NPAS3: variants seen among roughly 807,000 people sequenced by gnomAD.
NPAS3 encodes neuronal PAS domain-containing protein 3.
NPAS3 carries 14 observed loss-of-function variants against 73.1 expected under a neutral mutation model. The ratio of observed to expected loss-of-function variants is 0.19; its 90% CI spans 0.13 to 0.30. NPAS3 has a LOEUF of 0.30. Ranked by LOEUF, NPAS3 falls within the 10% of genes least tolerant of loss-of-function variation. The pLI is 1.00. For missense variants in NPAS3, 1,096 were observed against 1,250.0 expected (o/e 0.88, Z 1.86); for synonymous variants, 620 against 541.5 (o/e 1.14, Z -2.01).
chr14:33,624,600 G>A (rs1205006161), intron 5 of NPAS3, among the ~76,000 whole-genome samples: 3 of 150,082 alleles, frequency 2.0e-5, no homozygotes, highest in African/African-American at 4.9e-5. Flanking sequence ...ATTAATTAAA[G>A]CAGAATATTA....
At chr14:33,343,852 C>G (rs1250142890) in intron 3 of NPAS3, among the ~76,000 whole-genome samples, 1 of 146,996 alleles carries the variant, frequency 6.8e-6, no homozygotes, top group Non-Finnish European at 1.5e-5. Context: ...CAGCCAGGAC[C>G]TAGGTCTGCT....
At chr14:32,961,547 G>T (rs1436710348) in intron 1 of NPAS3, among the ~76,000 whole-genome samples, 1 of 152,086 alleles carries the variant, frequency 6.6e-6, no homozygotes, top group Non-Finnish European at 1.5e-5. Flanking sequence ...AATTGAGGAT[G>T]CCTCTTCATC....
chr14:33,628,013 G>T (rs1165569966), intron 5 of NPAS3, among the ~76,000 whole-genome samples: 1 of 152,210 alleles, frequency 6.6e-6, no homozygotes, highest in East Asian at 1.9e-4. Flanking sequence ...GTTATGAGTG[G>T]TTTTAAAGTT....
chr14:32,954,983 A>G (rs2036617575), intron 1 of NPAS3, among the ~76,000 whole-genome samples: 1 of 152,126 alleles, frequency 6.6e-6, no homozygotes, highest in Admixed American at 6.6e-5. Flanking sequence ...TTGTGAATAG[A>G]CATGCATTTT....
chr14:33,430,244 C>T (rs1449335837), intron 4 of NPAS3, among the ~76,000 whole-genome samples: 1 of 152,108 alleles, frequency 6.6e-6, no homozygotes, highest in African/African-American at 2.4e-5. Flanking sequence ...CTTCCCCTTC[C>T]CCTCCCCCAT....
chr14:33,489,576 T>A (rs972398931), intron 4 of NPAS3, among the ~76,000 whole-genome samples: 2 of 151,402 alleles, frequency 1.3e-5, no homozygotes, highest in African/African-American at 4.9e-5. Flanking sequence ...TAAACTTGTA[T>A]TGTAATATTT....
At chr14:33,549,352 C>G (rs1235086781) in intron 4 of NPAS3, among the ~76,000 whole-genome samples, 1 of 152,172 alleles carries the variant, frequency 6.6e-6, no homozygotes, top group Non-Finnish European at 1.5e-5. Context: ...CCACCCGAGT[C>G]TCCTGAGTAG....
At chr14:33,225,650 C>T (rs945492801) in intron 3 of NPAS3, among the ~76,000 whole-genome samples, 2 of 152,028 alleles carry the variant, frequency 1.3e-5, no homozygotes, top group Admixed American at 6.6e-5. Flanking sequence ...TATGACATGT[C>T]ATGAAATATT....
At chr14:33,107,738 G>C (rs1278585011) in intron 2 of NPAS3, among the ~76,000 whole-genome samples, 1 of 152,062 alleles carries the variant, frequency 6.6e-6, no homozygotes, top group Non-Finnish European at 1.5e-5. Flanking sequence ...AATGATAGAA[G>C]TTTAAAAGGA....
intron 5 of NPAS3, among the ~76,000 whole-genome samples, chr14:33,651,731 A>G (rs537128451): frequency 1.3e-5 from 2 of 152,246 alleles, no homozygotes; most frequent in African/African-American, 4.8e-5. Context: ...AAAAAAACTG[A>G]TATAAAAGTA....
At chr14:33,227,483 T>G (rs1381299478) in intron 3 of NPAS3, among the ~76,000 whole-genome samples, 1 of 152,128 alleles carries the variant, frequency 6.6e-6, no homozygotes, top group South Asian at 2.1e-4. Flanking sequence ...AAAAAAAAAT[T>G]TCTCACAGTC....
At chr14:33,340,232 T>C (rs1419383958) in intron 3 of NPAS3, among the ~76,000 whole-genome samples, 1 of 152,238 alleles carries the variant, frequency 6.6e-6, no homozygotes. Context: ...TAGTGGCTCA[T>C]GCCTGTAATC....
intron 4 of NPAS3, among the ~76,000 whole-genome samples, chr14:33,408,387 C>A (rs921727739): frequency 6.6e-6 from 1 of 152,068 alleles, no homozygotes; most frequent in Non-Finnish European, 1.5e-5. Flanking sequence ...GTCATAACCT[C>A]ACATTTGTTC....
intron 2 of NPAS3, among the ~76,000 whole-genome samples, chr14:33,165,177 C>T (rs1364143824): frequency 6.6e-6 from 1 of 151,970 alleles, no homozygotes; most frequent in Non-Finnish European, 1.5e-5. Context: ...TGTCGGAAAG[C>T]ACTGGGTGAT....
intron 5 of NPAS3, among the ~76,000 whole-genome samples, chr14:33,624,801 C>G (rs915292416): frequency 1.3e-5 from 2 of 152,142 alleles, no homozygotes; most frequent in Non-Finnish European, 2.9e-5. Flanking sequence ...GTTTAATTCT[C>G]TAAGTAAGTT....
intron 1 of NPAS3, among the ~76,000 whole-genome samples, chr14:32,989,050 G>A (rs1344301225): frequency 6.6e-6 from 1 of 152,176 alleles, no homozygotes; most frequent in Admixed American, 6.5e-5. Context: ...GCAGAAATAT[G>A]TGCAAAGCAA....
chr14:33,501,595 G>A (rs970980261), intron 4 of NPAS3, among the ~76,000 whole-genome samples: 1 of 147,794 alleles, frequency 6.8e-6, no homozygotes, highest in African/African-American at 2.5e-5. Context: ...CCTATTTCTT[G>A]TTTTATATTA....
At chr14:33,418,193 C>A (rs1367975063) in intron 4 of NPAS3, among the ~76,000 whole-genome samples, 3 of 151,930 alleles carry the variant, frequency 2.0e-5, no homozygotes, top group Admixed American at 2.0e-4. Flanking sequence ...CCTACCTAAC[C>A]AGTAAAGTAA....
chr14:33,017,296 A>G (rs1566469680), intron 1 of NPAS3, among the ~76,000 whole-genome samples: 1 of 152,192 alleles, frequency 6.6e-6, no homozygotes. Context: ...GCCAGCCAGG[A>G]TGCCAGGCTA....
Sources: allele counts gnomAD v4.1 joint callset (sites outside exome capture counted in the v4.1 genomes callset), GRCh38; gene constraint gnomAD v4.1.1; transcripts MANE v1.5; gene names NCBI Gene and HGNC (gene_info 2026-07-23, HGNC 2026-07-21).